Variants in NPFFR2 observed in about 807,000 individuals in gnomAD.
NPFFR2 encodes the protein neuropeptide FF receptor 2, also known as G-protein coupled receptor 74.
In NPFFR2, 15 loss-of-function variants were observed where a neutral mutation model predicts 13.1. The observed-to-expected ratio is 1.15, with a 90% CI of 0.77 to 1.76. The LOEUF is 1.76. Ranked by LOEUF, NPFFR2 falls within the 40% of genes most tolerant of loss-of-function variation. The probability of loss-of-function intolerance (pLI) is 0.00; values close to 1 mark genes in which losing one functional copy is unlikely to be tolerated. For synonymous variants in NPFFR2, 190 were observed against 175.7 expected (o/e 1.08, Z -0.65); for missense variants, 572 against 503.5 (o/e 1.14, Z -1.30).
chr4:72,122,178 G>A (rs1013277180), intron 1 of NPFFR2, among the ~76,000 whole-genome samples: 3 of 152,084 alleles, frequency 2.0e-5, no homozygotes, highest in African/African-American at 4.8e-5. Flanking sequence ...TAATGGTAAA[G>A]GGATCAATGC....
At chr4:72,105,739 A>C (rs181806161) in intron 1 of NPFFR2, among the ~76,000 whole-genome samples, 102 of 152,182 alleles carry the variant, frequency 6.7e-4, no homozygotes, top group Non-Finnish European at 1.3e-3. Context: ...GAACAAATAC[A>C]ATATAACCTT....
chr4:72,121,821 C>T (rs7680577), intron 1 of NPFFR2, among the ~76,000 whole-genome samples: 10,698 of 149,410 alleles, frequency 0.072, 1,144 homozygotes, highest in African/African-American at 0.24. Flanking sequence ...AGACCATCAA[C>T]GCTATGAAGA....
At position 72,128,656 on chromosome 4, in the gene NPFFR2, C is replaced by G; in HGVS notation, c.65C>G (p.Thr22Arg). The change falls in exon 2 of 4, where the codon ACA (threonine) becomes AGA (arginine). Residue 22 changes from threonine to arginine, a missense_variant. Coordinates refer to ENST00000308744, the MANE Select transcript of NPFFR2 (RefSeq NM_004885.3). ...NWHPIWNVND[T>R]KHHLYSDINI... ...CATCCCATCTGGAATGTCAATGACA[C>G]AAAGCATCATCTGTACTCAGATATT... 1 of 1,613,796 alleles carries G rather than the reference C, an allele frequency of 6.2e-7. No homozygotes were observed. Among genetic ancestry groups the G allele is most frequent in the South Asian group, 1.1e-5 (1 of 91,054 alleles).
intron 2 of NPFFR2, among the ~76,000 whole-genome samples, chr4:72,132,121 T>C (rs1722262235): frequency 6.7e-6 from 1 of 149,430 alleles, no homozygotes; most frequent in South Asian, 2.1e-4. Context: ...TTAAGCCTAG[T>C]ACCCATTGGT....
At chr4:72,126,413 A>G (rs1560418957) in intron 1 of NPFFR2, among the ~76,000 whole-genome samples, 1 of 152,346 alleles carries the variant, frequency 6.6e-6, no homozygotes, top group East Asian at 1.9e-4. Flanking sequence ...TTATGGGCAG[A>G]TATAACCTTC....
chr4:72,138,260 C>T (rs987432678), intron 3 of NPFFR2, 121 bp downstream of exon 3: 1 of 658,472 alleles, frequency 1.5e-6, no homozygotes, highest in Non-Finnish European at 2.7e-6. Flanking sequence ...CAATATCTAC[C>T]TCTTTTTTTA....
intron 1 of NPFFR2, among the ~76,000 whole-genome samples, chr4:72,114,796 G>T (rs115669059): frequency 6.6e-6 from 1 of 152,060 alleles, no homozygotes; most frequent in African/African-American, 2.4e-5. Context: ...CCTATTGATT[G>T]TAATGGCTTT....
intron 1 of NPFFR2, among the ~76,000 whole-genome samples, chr4:72,084,525 C>CT (rs1560406390): frequency 6.6e-6 from 1 of 152,142 alleles, no homozygotes; most frequent in South Asian, 2.1e-4. Flanking sequence ...TGGCAATAAA[C>CT]TAACTTTGGT....
intron 1 of NPFFR2, among the ~76,000 whole-genome samples, chr4:72,035,499 C>A (rs567478689): frequency 6.6e-6 from 1 of 150,958 alleles, no homozygotes; most frequent in Non-Finnish European, 1.5e-5. Context: ...ATAGTTTAGC[C>A]CCCCCTAAAA....
intron 1 of NPFFR2, among the ~76,000 whole-genome samples, chr4:72,126,558 T>C: frequency 6.6e-6 from 1 of 152,366 alleles, no homozygotes; most frequent in East Asian, 1.9e-4. Flanking sequence ...CTTCCTATAC[T>C]GATACACAGG....
chr4:72,095,624 G>T (rs1721043575), intron 1 of NPFFR2, among the ~76,000 whole-genome samples: 1 of 152,070 alleles, frequency 6.6e-6, no homozygotes. Context: ...TGAAATTAAA[G>T]GAATTGCTAA....
intron 1 of NPFFR2, among the ~76,000 whole-genome samples, chr4:72,053,479 T>C (rs1719651977): frequency 6.6e-6 from 1 of 151,924 alleles, no homozygotes; most frequent in Non-Finnish European, 1.5e-5. Flanking sequence ...CCAGCAATGT[T>C]TTGTAGTTTT....
intron 3 of NPFFR2, among the ~76,000 whole-genome samples, chr4:72,141,286 T>G (rs1722614325): frequency 6.6e-6 from 1 of 152,186 alleles, no homozygotes; most frequent in African/African-American, 2.4e-5. Context: ...CTTAGTTAGT[T>G]CTTGCCTTCT....
At chr4:72,086,022 G>A (rs959971779) in intron 1 of NPFFR2, among the ~76,000 whole-genome samples, 5 of 152,006 alleles carry the variant, frequency 3.3e-5, no homozygotes, top group East Asian at 1.9e-4. Context: ...ATGATCACTC[G>A]TTATCAATGT....
rs1024464696 is a variant in NPFFR2, at chr4:72,048,610, A to G, written c.-8+16410A>G. 3.3e-5 allele frequency among the ~76,000 whole-genome samples: 5 copies of G among 152,114 alleles called. No homozygotes were observed. The South Asian group carries it at 6.2e-4, about 19-fold the overall frequency. On this transcript the variant is annotated intron_variant, in intron 1 of 3. Coordinates refer to ENST00000308744, the MANE Select transcript of NPFFR2 (RefSeq NM_004885.3). ...GAAACATCTATATTAACTATTCACA[A>G]TTACTTGGGGATAGCTTCTTGTGTG...
chr4:72,043,171 A>G (rs1177911253), intron 1 of NPFFR2, among the ~76,000 whole-genome samples: 1 of 152,216 alleles, frequency 6.6e-6, no homozygotes, highest in Non-Finnish European at 1.5e-5. Context: ...CACAGAAGAC[A>G]AGAATTGAGG....
At chr4:72,127,197 G>T (rs1227156794) in intron 1 of NPFFR2, among the ~76,000 whole-genome samples, 2 of 147,720 alleles carry the variant, frequency 1.4e-5, no homozygotes, top group African/African-American at 5.0e-5. Flanking sequence ...CCAGCTACTC[G>T]GGAGGGTGAG....
intron 1 of NPFFR2, among the ~76,000 whole-genome samples, chr4:72,033,477 A>G (rs186933450): frequency 8.1e-4 from 123 of 152,354 alleles, no homozygotes; most frequent in African/African-American, 2.9e-3. Flanking sequence ...ATTGCTTGAA[A>G]ATAACATGTT....
chr4:72,138,102 G>C lies in NPFFR2; in HGVS notation c.391G>C (p.Ala131Pro), dbSNP rs780254714. 1 of 1,613,602 alleles carries C rather than the reference G, an allele frequency of 6.2e-7. No individual in the cohort carries two copies. The highest frequency in any genetic ancestry group is 1.3e-5 in the African/African-American group (1 of 74,908). ...ATTGGTCCAGGGAATATCTGTCGCA[G>C]CTTCAGTCTTTACGTTAGTTGCAAT... ...SGLVQGISVA[A>P]SVFTLVAIAV... is the part of the protein sequence containing the mutation. The change falls in exon 3 of 4, where the codon GCT (alanine) becomes CCT (proline). Residue 131 changes from alanine (A) to proline (P), a missense_variant. Transcript: ENST00000308744.
Sources: allele counts gnomAD v4.1 joint callset (sites outside exome capture counted in the v4.1 genomes callset), GRCh38; gene constraint gnomAD v4.1.1; transcripts MANE v1.5; gene names NCBI Gene and HGNC (gene_info 2026-07-23, HGNC 2026-07-21).